Variants in HOMER1 observed in about 807,000 individuals in gnomAD.
HOMER1 encodes homer scaffold protein 1, also known as homer protein homolog 1.
A neutral mutation model predicts 48.9 loss-of-function variants in HOMER1; 3 were observed. The ratio of observed to expected loss-of-function variants is 0.06; its 90% CI spans 0.03 to 0.16. The LOEUF (loss-of-function observed/expected upper bound fraction) is 0.16, where lower values mean the gene tolerates loss of function less well. HOMER1 is among the 10% of genes least tolerant of loss of function. HOMER1 has a pLI of 1.00. For synonymous variants in HOMER1, 134 were observed against 146.4 expected, an observed-to-expected ratio of 0.92 and a Z score of 0.61; for missense variants, 247 against 411.4, an observed-to-expected ratio of 0.60 and a Z score of 3.46.
intron 1 of HOMER1, among the ~76,000 whole-genome samples, chr5:79,508,073 G>C (rs1225143522): frequency 1.3e-5 from 2 of 152,186 alleles, no homozygotes; most frequent in African/African-American, 4.8e-5. Context: ...TTCTGGCTTG[G>C]TGTTTCCACA....
intron 1 of HOMER1, among the ~76,000 whole-genome samples, chr5:79,479,496 T>C (rs1039666151): frequency 6.6e-6 from 1 of 152,166 alleles, no homozygotes; most frequent in Admixed American, 6.5e-5. Context: ...AGATTCCATG[T>C]GCTGGCTCTA....
intron 2 of HOMER1, among the ~76,000 whole-genome samples, 164 bp from the exon 3 acceptor site, chr5:79,451,285 T>C (rs1416040932): frequency 2.0e-5 from 3 of 152,206 alleles, no homozygotes; most frequent in Non-Finnish European, 4.4e-5. Flanking sequence ...AGTGATAGTG[T>C]GGAAATATGT....
At chr5:79,464,186 A>G (rs1751391798) in intron 1 of HOMER1, among the ~76,000 whole-genome samples, 1 of 152,210 alleles carries the variant, frequency 6.6e-6, no homozygotes, top group Non-Finnish European at 1.5e-5. Flanking sequence ...GAATCAAAGA[A>G]TGACAATTTT....
intron 2 of HOMER1, among the ~76,000 whole-genome samples, 179 bp from the exon 3 acceptor site, chr5:79,451,300 T>TA (rs1214482390): frequency 7.2e-5 from 11 of 152,196 alleles, no homozygotes; most frequent in African/African-American, 2.7e-4. Flanking sequence ...ATATGTTAAC[T>TA]AAAATATAAA....
intron 1 of HOMER1, among the ~76,000 whole-genome samples, chr5:79,497,636 G>C (rs1165843280): frequency 2.1e-5 from 3 of 146,014 alleles, no homozygotes; most frequent in Non-Finnish European, 3.0e-5. Flanking sequence ...TGCAGCCCAG[G>C]AGACAGAGTA....
chr5:79,407,972 C>T (rs962270873), intron 5 of HOMER1, among the ~76,000 whole-genome samples: 1 of 152,172 alleles, frequency 6.6e-6, no homozygotes, highest in Non-Finnish European at 1.5e-5. Flanking sequence ...GGAGAGACCA[C>T]ATTCACATAA....
chr5:79,392,988 A>AGAGAGAGAGAGT (rs56107183), intron 8 of HOMER1, among the ~76,000 whole-genome samples: 1 of 134,670 alleles, frequency 7.4e-6, no homozygotes, highest in African/African-American at 2.8e-5. Context: ...AGAGAGAGAG[A>AGAGAGAGAGAGT]AGAGAGCCAT....
chr5:79,389,402 G>C (rs1206874005), intron 8 of HOMER1, among the ~76,000 whole-genome samples: 2 of 152,186 alleles, frequency 1.3e-5, no homozygotes, highest in African/African-American at 4.8e-5. Context: ...GGACTTAATG[G>C]TGAGTGCTAT....
intron 8 of HOMER1, among the ~76,000 whole-genome samples, chr5:79,378,154 G>A (rs1748822609): frequency 6.7e-6 from 1 of 148,442 alleles, no homozygotes; most frequent in South Asian, 2.1e-4. Flanking sequence ...GGGAGGCAGA[G>A]GTTGTGGTGA....
At chr5:79,410,501 A>G (rs34478717) in intron 5 of HOMER1, among the ~76,000 whole-genome samples, 11 of 149,894 alleles carry the variant, frequency 7.3e-5, no homozygotes, top group East Asian at 1.9e-4. Flanking sequence ...AAAAAAAAAA[A>G]AAAAAAGAAA....
At chr5:79,500,727 C>T (rs932365453) in intron 1 of HOMER1, among the ~76,000 whole-genome samples, 7 of 151,530 alleles carry the variant, frequency 4.6e-5, no homozygotes, top group African/African-American at 9.7e-5. Context: ...CAGGATCAAG[C>T]GATTCTTATG....
chr5:79,493,517 A>G (rs1467443038), intron 1 of HOMER1, among the ~76,000 whole-genome samples: 1 of 152,168 alleles, frequency 6.6e-6, no homozygotes. Context: ...ACAGGTAATC[A>G]ATGAATGTTT....
chr5:79,379,343 T>C (rs1170597003), intron 8 of HOMER1, among the ~76,000 whole-genome samples: 1 of 105,786 alleles, frequency 9.5e-6, no homozygotes, highest in Non-Finnish European at 1.8e-5. Context: ...TATTTATATA[T>C]TTTATATATT....
chr5:79,411,560 CAAG>C (rs1362137244), intron 5 of HOMER1, among the ~76,000 whole-genome samples: 1 of 152,056 alleles, frequency 6.6e-6, no homozygotes, highest in Non-Finnish European at 1.5e-5. Context: ...TATGTAAAAT[CAAG>C]AAGAAAAAGT....
At chr5:79,498,775 C>A (rs562968349) in intron 1 of HOMER1, among the ~76,000 whole-genome samples, 2 of 151,394 alleles carry the variant, frequency 1.3e-5, no homozygotes, top group African/African-American at 4.9e-5. Flanking sequence ...ACAACTACCT[C>A]GGGATGATTC....
intron 1 of HOMER1, among the ~76,000 whole-genome samples, chr5:79,487,370 G>C (rs1752139877): frequency 6.6e-6 from 1 of 152,168 alleles, no homozygotes; most frequent in Admixed American, 6.6e-5. Flanking sequence ...CATACAAAAA[G>C]AGAAATGGCA....
chr5:79,455,962 C>T (rs1751164584), intron 2 of HOMER1, among the ~76,000 whole-genome samples: 1 of 152,120 alleles, frequency 6.6e-6, no homozygotes, highest in South Asian at 2.1e-4. Context: ...CAAGACCAGC[C>T]TGGCCAACAT....
chr5:79,483,929 A>C (rs1752020392), intron 1 of HOMER1, among the ~76,000 whole-genome samples: 3 of 150,696 alleles, frequency 2.0e-5, no homozygotes, highest in Admixed American at 6.7e-5. Flanking sequence ...TGGTGGGTGC[A>C]TGTAATCTCG....
intron 5 of HOMER1, among the ~76,000 whole-genome samples, chr5:79,409,363 C>T (rs902882944): frequency 2.7e-5 from 4 of 146,604 alleles, no homozygotes; most frequent in African/African-American, 5.1e-5. Flanking sequence ...ACCGGGGAGG[C>T]GGAGGTTGTG....
Sources: gnomAD v4.1 joint callset for allele counts (sites outside exome capture counted in the v4.1 genomes callset) on GRCh38, gnomAD v4.1.1 for gene constraint, MANE v1.5 for transcripts, NCBI Gene and HGNC (gene_info 2026-07-23, HGNC 2026-07-21) for gene names.